NEMF: variants seen among roughly 807,000 people sequenced by gnomAD.
NEMF encodes nuclear export mediator factor.
A neutral mutation model predicts 162.2 loss-of-function variants in NEMF; 89 were observed. The ratio of observed to expected loss-of-function variants is 0.55; its 90% CI spans 0.46 to 0.65. NEMF has a LOEUF of 0.65. Ranked by LOEUF, NEMF falls within the 30% of genes least tolerant of loss-of-function variation. The probability of loss-of-function intolerance (pLI) is 0.00; values close to 1 mark genes in which losing one functional copy is unlikely to be tolerated. For missense variants in NEMF, 1,133 were observed against 1,261.9 expected (o/e 0.90, Z 1.55); for synonymous variants, 421 against 404.5 (o/e 1.04, Z -0.49).
At position 49,795,833 on chromosome 14, in the gene NEMF, G is replaced by C; in HGVS notation, c.2577C>G (p.Ser859Arg). 6.2e-7 allele frequency: 1 copy of C among 1,613,098 alleles called. No homozygotes were observed. The highest frequency in any genetic ancestry group is 8.5e-7 in the Non-Finnish European group (1 of 1,179,748). Residue 859 changes from serine (S) to arginine (R), a missense_variant, in exon 26 of 33, where the codon AGC becomes AGG. Transcript: ENST00000298310. ...TTGGCTGCACAGCCGCAACATTTTT[G>C]CTTGTGTTCTGATGAGTTTCAATGT... ...TVHIETHQNT[S>R]KNVAAVQPMK...
intron 18 of NEMF, among the ~76,000 whole-genome samples, chr14:49,813,393 G>A (rs1050670145): frequency 5.9e-5 from 9 of 152,304 alleles, no homozygotes; most frequent in Non-Finnish European, 1.2e-4. Flanking sequence ...ATTAAGTAGA[G>A]TATTCTAGAG....
At chr14:49,791,215 G>A (rs1452766948) in intron 26 of NEMF, among the ~76,000 whole-genome samples, 6 of 151,748 alleles carry the variant, frequency 4.0e-5, no homozygotes, top group Non-Finnish European at 8.8e-5. Flanking sequence ...TGTGCCTGTA[G>A]TGCCAGCTAC....
At chr14:49,799,207 C>CAAAAAAAAAAAAAAA (rs780442972) in intron 25 of NEMF, among the ~76,000 whole-genome samples, 2 of 59,064 alleles carry the variant, frequency 3.4e-5, no homozygotes, top group African/African-American at 7.0e-5. Flanking sequence ...GACCCTGTTT[C>CAAAAAAAAAAAAAAA]AAAAAAAAAA....
intron 4 of NEMF, among the ~76,000 whole-genome samples, chr14:49,841,839 C>T (rs923873560): frequency 6.6e-6 from 1 of 152,118 alleles, no homozygotes; most frequent in Non-Finnish European, 1.5e-5. Flanking sequence ...GGCGCAGTGG[C>T]TCACGCCTGT....
At chr14:49,790,425 C>T (rs1332126453) in intron 26 of NEMF, among the ~76,000 whole-genome samples, 1 of 152,078 alleles carries the variant, frequency 6.6e-6, no homozygotes, top group African/African-American at 2.4e-5. Flanking sequence ...TGAGAAAGCG[C>T]TCAATATCAT....
Position 49,834,466 on chromosome 14 carries a change from T to C in NEMF, c.575-17A>G, listed in dbSNP as rs376596825. ...GTCCATAGGCTATAAATGCAGAGGATATTACTTTTAGTATTTTCCTATAAA... is the reference window on the plus strand; with the variant it reads ...GTCCATAGGCTATAAATGCAGAGGACATTACTTTTAGTATTTTCCTATAAA... On this transcript the variant is annotated splice_polypyrimidine_tract_variant and intron_variant, in intron 6 of 32. Coordinates refer to ENST00000298310, the MANE Select transcript of NEMF (RefSeq NM_004713.6). 179 of 1,449,658 alleles carry C rather than the reference T, an allele frequency of 1.2e-4. No individual in the cohort carries two copies. Among genetic ancestry groups the C allele is most frequent in the Non-Finnish European group, 1.6e-4 (172 of 1,043,890 alleles). The allele number at this position is 1,449,658 out of a possible 1,614,324, so 89.8% of individuals were successfully genotyped here. A position where few individuals can be genotyped will look rare whatever the true frequency, so the allele number is the denominator to read the frequency against.
chr14:49,846,235 C>T lies in NEMF; in HGVS notation c.262G>A (p.Val88Ile), dbSNP rs1423713491. 2 of 1,613,116 alleles carry T rather than the reference C, an allele frequency of 1.2e-6. No individual in the cohort carries two copies. Among genetic ancestry groups the T allele is most frequent in the East Asian group, 2.2e-5 (1 of 44,862 alleles). The change falls in exon 4 of 33, where the codon GTC becomes ATC. Residue 88 changes from valine to isoleucine, a missense_variant. Coordinates refer to ENST00000298310, the MANE Select transcript of NEMF (RefSeq NM_004713.6). The stretch of plus-strand genomic sequence containing the variant: ...TCCACACCAAGCTGTTTTGCACTGA[C>T]TAATCTCCGACTCTTCAAATGTTTT... ...CRKHLKSRRL[V>I]SAKQLGVDRI...
chr14:49,814,744 T>C lies in NEMF; in HGVS notation c.1681+10A>G, dbSNP rs759798152. 3.3e-6 allele frequency: 5 copies of C among 1,510,394 alleles called. No homozygotes were observed. In the East Asian group the frequency reaches 1.2e-4, roughly 36 times the overall value. 93.6% of individuals were successfully genotyped at this position (1,510,394 alleles called of 1,614,324 possible). A position where few individuals can be genotyped will look rare whatever the true frequency, so the allele number is the denominator to read the frequency against. On this transcript the variant is annotated intron_variant, in intron 17 of 32. Transcript: ENST00000298310. ...AAGAGAAAATTTTTCCGAATTTTAA[T>C]CTTACCTACCTGGTGTCAAGTATCT...
At position 49,790,721 on chromosome 14, in the gene NEMF, G is replaced by A. The variant is rs116895874; in HGVS notation, c.2620-1148C>T. Among the ~76,000 whole-genome samples the A allele has an allele frequency of 4.9e-4, 75 of 152,288 alleles. 1 individual carries two copies. The East Asian group carries it at 0.012, about 23-fold the overall frequency. ...AAGTCATGTGAGGGTCTGGCACGGT[G>A]GCTCACACCTGTAATCCCAACACTT... On this transcript the variant is annotated intron_variant, in intron 26 of 32. Coordinates refer to ENST00000298310, the MANE Select transcript of NEMF (RefSeq NM_004713.6).
chr14:49,817,103 T>G (rs769296567), intron 16 of NEMF, among the ~76,000 whole-genome samples: 2 of 152,118 alleles, frequency 1.3e-5, no homozygotes, highest in Non-Finnish European at 2.9e-5. Context: ...ATGATATATA[T>G]GATGCTCCTT....
intron 15 of NEMF, among the ~76,000 whole-genome samples, chr14:49,826,743 T>C (rs1006071677): frequency 6.6e-6 from 1 of 152,156 alleles, no homozygotes; most frequent in Non-Finnish European, 1.5e-5. Context: ...TCTACTTTCA[T>C]GCAATCTATA....
intron 19 of NEMF, among the ~76,000 whole-genome samples, 190 bp downstream of exon 19, chr14:49,805,827 ACTCT>A (rs1891162019): frequency 6.6e-6 from 1 of 151,778 alleles, no homozygotes. Flanking sequence ...ATCCCCTATC[ACTCT>A]CTATCCCCTT....
chr14:49,795,577 G>A (rs1471821033), intron 26 of NEMF, among the ~76,000 whole-genome samples: 1 of 152,154 alleles, frequency 6.6e-6, no homozygotes, highest in African/African-American at 2.4e-5. Flanking sequence ...GATAAAATGA[G>A]AGCTTCTGTG....
Position 49,814,872 on chromosome 14 carries a change from GA to G in NEMF, c.1578-16del, listed in dbSNP as rs1347603789. On this transcript the variant is annotated splice_polypyrimidine_tract_variant and intron_variant, in intron 16 of 32. Coordinates refer to ENST00000298310, the MANE Select transcript of NEMF (RefSeq NM_004713.6). Reference sequence around the variant, plus strand: ...ATTTCTCAAACCTATCAAAATGAAAGAAAAAAAGTTAACTTTTCTTTATAGC... The same window carrying G: ...ATTTCTCAAACCTATCAAAATGAAAGAAAAAAGTTAACTTTTCTTTATAGC... The G allele has an allele frequency of 4.8e-6, 7 of 1,454,240 alleles. No individual in the cohort carries two copies. Among genetic ancestry groups the G allele is most frequent in the South Asian group, 2.5e-5 (2 of 79,548 alleles). The allele number at this position is 1,454,240 out of a possible 1,614,324, so 90.1% of individuals were successfully genotyped here. A position where few individuals can be genotyped will look rare whatever the true frequency, so the allele number is the denominator to read the frequency against.
At chr14:49,849,941 A>C (rs891084071) in intron 3 of NEMF, among the ~76,000 whole-genome samples, 2 of 152,198 alleles carry the variant, frequency 1.3e-5, no homozygotes, top group Non-Finnish European at 2.9e-5. Flanking sequence ...CCTAATTTGT[A>C]ATCCAAAACA....
At position 49,782,189 on chromosome 14, in the gene NEMF, T is replaced by G. The variant is rs894880437; in HGVS notation, c.*2447A>C. 3.7e-6 allele frequency: 2 copies of G among 539,240 alleles called. No individual in the cohort carries two copies. The highest frequency in any genetic ancestry group is 6.6e-6 in the Non-Finnish European group (2 of 303,284). 33.4% of individuals were successfully genotyped at this position (539,240 alleles called of 1,614,324 possible). A position where few individuals can be genotyped will look rare whatever the true frequency, so the allele number is the denominator to read the frequency against. On this transcript the variant is annotated 3_prime_UTR_variant, in exon 33 of 33. Transcript: ENST00000298310. Reference sequence around the variant, plus strand: ...CCAGAGAGAGAAAATAATATCCAGATAAAATAGATATTGATTGATCTGCTT... The same window carrying G: ...CCAGAGAGAGAAAATAATATCCAGAGAAAATAGATATTGATTGATCTGCTT...
chr14:49,798,230 T>C (rs1890781337), intron 25 of NEMF, among the ~76,000 whole-genome samples: 1 of 152,214 alleles, frequency 6.6e-6, no homozygotes, highest in Admixed American at 6.5e-5. Flanking sequence ...AACAATGTAG[T>C]ATGAAAGTGT....
intron 15 of NEMF, 80 bp from the exon 16 acceptor site, chr14:49,826,035 T>C: frequency 1.1e-6 from 1 of 876,904 alleles, no homozygotes; most frequent in Non-Finnish European, 1.8e-6. Flanking sequence ...GGGGCAAGAA[T>C]TTTTTTAAAT....
chr14:49,792,234 T>C (rs1890487251), intron 26 of NEMF, among the ~76,000 whole-genome samples: 1 of 152,198 alleles, frequency 6.6e-6, no homozygotes, highest in South Asian at 2.1e-4. Flanking sequence ...TCTCCGTTTT[T>C]TGACAGAGTT....
Sources: allele counts gnomAD v4.1 joint callset (sites outside exome capture counted in the v4.1 genomes callset), GRCh38; gene constraint gnomAD v4.1.1; transcripts MANE v1.5; gene names NCBI Gene and HGNC (gene_info 2026-07-23, HGNC 2026-07-21).